The following RPS6KA5 variants were observed in gnomAD, a reference collection of about 807,000 sequenced individuals.
The protein encoded by RPS6KA5 is ribosomal protein S6 kinase A5.
A neutral mutation model predicts 85.5 loss-of-function variants in RPS6KA5; 27 were observed. That is an observed-to-expected ratio of 0.32 (90% CI 0.23 to 0.44). The LOEUF is 0.44. Ranked by LOEUF, RPS6KA5 falls within the 20% of genes least tolerant of loss-of-function variation. RPS6KA5 has a pLI of 1.00. For synonymous variants in RPS6KA5, 334 were observed against 348.2 expected, an observed-to-expected ratio of 0.96 and a Z score of 0.46; for missense variants, 811 against 980.9, an observed-to-expected ratio of 0.83 and a Z score of 2.31.
intron 5 of RPS6KA5, among the ~76,000 whole-genome samples, chr14:90,937,665 A>C (rs552672613): frequency 3.4e-4 from 52 of 152,252 alleles, no homozygotes; most frequent in African/African-American, 1.2e-3. Context: ...ATCATGGTGG[A>C]AGGAAAGGAG....
intron 5 of RPS6KA5, among the ~76,000 whole-genome samples, chr14:90,933,748 C>G (rs576122522): frequency 2.0e-5 from 3 of 152,322 alleles, no homozygotes; most frequent in Admixed American, 6.5e-5. Flanking sequence ...CTTCAATGCC[C>G]TGAGTAATCT....
intron 5 of RPS6KA5, among the ~76,000 whole-genome samples, chr14:90,924,007 G>A (rs2036537756): frequency 6.6e-6 from 1 of 152,022 alleles, no homozygotes; most frequent in Non-Finnish European, 1.5e-5. Flanking sequence ...CCTTTTCCAA[G>A]TAATTTTTGG....
In RPS6KA5 at chr14:91,054,418, C is replaced by T. The variant is rs542678868; in HGVS notation, c.103+5914G>A. Among the ~76,000 whole-genome samples, 160 of 152,208 alleles carry T rather than the reference C, an allele frequency of 1.1e-3. 2 individuals are homozygous for T. The highest frequency in any genetic ancestry group is 3.4e-3 in the Middle Eastern group (1 of 294). ...TTGGGAGGCTGAGGCAGGTGGATCCCTTGAGGACAGGAGTTCAAGATCAGC... is the reference window on the plus strand; with the variant it reads ...TTGGGAGGCTGAGGCAGGTGGATCCTTTGAGGACAGGAGTTCAAGATCAGC... On this transcript the variant is annotated intron_variant, in intron 1 of 16. Coordinates refer to ENST00000614987, the MANE Select transcript of RPS6KA5 (RefSeq NM_004755.4).
intron 1 of RPS6KA5, among the ~76,000 whole-genome samples, chr14:91,009,564 T>C (rs988290053): frequency 6.6e-6 from 1 of 152,196 alleles, no homozygotes; most frequent in Non-Finnish European, 1.5e-5. Context: ...ATTTTAATTA[T>C]TGTAGCCTGA....
chr14:90,981,126 G>A (rs1020623982), intron 2 of RPS6KA5, among the ~76,000 whole-genome samples: 2 of 152,206 alleles, frequency 1.3e-5, no homozygotes, highest in African/African-American at 2.4e-5. Context: ...AGCCGAGAGC[G>A]TGCCATCGCA....
At chr14:90,981,941 GA>G (rs1296832714) in intron 2 of RPS6KA5, among the ~76,000 whole-genome samples, 2 of 152,214 alleles carry the variant, frequency 1.3e-5, no homozygotes, top group Non-Finnish European at 1.5e-5. Flanking sequence ...CAAATGGGAA[GA>G]AAACACATTC....
At chr14:90,982,006 C>T (rs2039808585) in intron 2 of RPS6KA5, among the ~76,000 whole-genome samples, 1 of 152,196 alleles carries the variant, frequency 6.6e-6, no homozygotes, top group Admixed American at 6.5e-5. Flanking sequence ...TGGTTTATAG[C>T]TCAGAGCAGA....
chr14:90,958,874 G>A (rs1055551474), intron 3 of RPS6KA5, among the ~76,000 whole-genome samples: 5 of 152,104 alleles, frequency 3.3e-5, no homozygotes, highest in African/African-American at 1.2e-4. Context: ...AGATACAAAG[G>A]TCTAGGGTAG....
At position 90,850,388 on chromosome 14, in the gene RPS6KA5, A is replaced by C. The variant is rs2031933069; in HGVS notation, c.*21686T>G. On this transcript the variant is annotated 3_prime_UTR_variant, in exon 17 of 17. Transcript: ENST00000614987. ...TAAATACTAAATGGAAGAAGACACAAATAGAAAGAGAAGAAAGTATTTTTA... is the reference window on the plus strand; with the variant it reads ...TAAATACTAAATGGAAGAAGACACACATAGAAAGAGAAGAAAGTATTTTTA... 1 of 152,100 alleles carries C rather than the reference A, an allele frequency of 6.6e-6. No homozygotes were observed. The highest frequency in any genetic ancestry group is 6.6e-5 in the Admixed American group (1 of 15,264). The allele number at this position is 152,100 out of a possible 1,614,324, so 9.4% of individuals were successfully genotyped here. A position where few individuals can be genotyped will look rare whatever the true frequency, so the allele number is the denominator to read the frequency against.
At chr14:90,982,064 G>C (rs1041887551) in intron 2 of RPS6KA5, among the ~76,000 whole-genome samples, 1 of 152,182 alleles carries the variant, frequency 6.6e-6, no homozygotes, top group African/African-American at 2.4e-5. Flanking sequence ...ATCTATTCCA[G>C]ACCACCTTTT....
At chr14:91,007,830 T>TTGTTG (rs1286993234) in intron 1 of RPS6KA5, among the ~76,000 whole-genome samples, 11 of 152,108 alleles carry the variant, frequency 7.2e-5, no homozygotes, top group Admixed American at 7.2e-4. Flanking sequence ...AATAACTTTG[T>TTGTTG]TGTTGTTTTC....
chr14:90,978,312 T>C lies in RPS6KA5; in HGVS notation c.388A>G (p.Ile130Val). 1 of 1,562,778 alleles carries C rather than the reference T, an allele frequency of 6.4e-7. No individual in the cohort carries two copies. Among genetic ancestry groups the C allele is most frequent in the Non-Finnish European group, 8.8e-7 (1 of 1,142,452 alleles). Residue 130 changes from isoleucine (I) to valine (V), a missense_variant, in exon 3 of 17, where the codon ATT becomes GTT. Physicochemically the swap from Ile to Val is conservative, Grantham distance 29. This residue lies in a region of RPS6KA5 where 48 missense variants were observed against 87.6 expected (regional missense o/e 0.55). Coordinates refer to ENST00000614987, the MANE Select transcript of RPS6KA5 (RefSeq NM_004755.4). ...AFQTETKLHL[I>V]LDYINGGELF... Reference sequence around the variant, plus strand: ...GATAACAACTGACACTTACCTAAAATGAGATGAAGTTTGGTTTCTGTCTGG... The same window carrying C: ...GATAACAACTGACACTTACCTAAAACGAGATGAAGTTTGGTTTCTGTCTGG...
intron 3 of RPS6KA5, among the ~76,000 whole-genome samples, chr14:90,966,211 C>T (rs1172335708): frequency 2.0e-5 from 3 of 152,112 alleles, no homozygotes; most frequent in Non-Finnish European, 4.4e-5. Context: ...CTTAGAAAAG[C>T]TCTTTGAAAA....
chr14:90,878,237 G>A (rs1409456522), intron 14 of RPS6KA5, among the ~76,000 whole-genome samples: 1 of 152,200 alleles, frequency 6.6e-6, no homozygotes, highest in African/African-American at 2.4e-5. Context: ...TTTCCTGAAT[G>A]AGTAAGAACC....
intron 3 of RPS6KA5, among the ~76,000 whole-genome samples, chr14:90,961,766 C>A (rs988118746): frequency 1.3e-5 from 2 of 152,006 alleles, no homozygotes; most frequent in Admixed American, 1.3e-4. Flanking sequence ...AACTTAAGGA[C>A]AGCAATTTAC....
intron 2 of RPS6KA5, among the ~76,000 whole-genome samples, chr14:91,000,385 T>C (rs1326692436): frequency 6.6e-6 from 1 of 152,216 alleles, no homozygotes; most frequent in Admixed American, 6.5e-5. Flanking sequence ...TATTACAAAT[T>C]ACGTTCATTG....
chr14:91,002,984 A>C (rs1385940338), intron 1 of RPS6KA5, among the ~76,000 whole-genome samples: 1 of 152,218 alleles, frequency 6.6e-6, no homozygotes, highest in Non-Finnish European at 1.5e-5. Context: ...TTCTAAAATA[A>C]ACGATGGCTT....
At chr14:91,017,183 G>A (rs1266722024) in intron 1 of RPS6KA5, among the ~76,000 whole-genome samples, 2 of 152,178 alleles carry the variant, frequency 1.3e-5, no homozygotes, top group South Asian at 4.1e-4. Context: ...ACTAGGTCTC[G>A]ATATATGGCA....
intron 13 of RPS6KA5, among the ~76,000 whole-genome samples, chr14:90,891,342 AGCT>A (rs2034545142): frequency 6.6e-6 from 1 of 151,544 alleles, no homozygotes; most frequent in South Asian, 2.1e-4. Context: ...TTTCTCCAAC[AGCT>A]AATACTTCAA....
Sources: gnomAD v4.1 joint callset for allele counts (sites outside exome capture counted in the v4.1 genomes callset) on GRCh38, gnomAD v4.1.1 for gene constraint, gnomAD v4.1.1 regional missense constraint, MANE v1.5 for transcripts, NCBI Gene and HGNC (gene_info 2026-07-23, HGNC 2026-07-21) for gene names.